Variants in STAT5B observed in about 807,000 individuals in gnomAD.
STAT5B encodes signal transducer and activator of transcription 5B.
Under a neutral mutation model 107.8 loss-of-function variants are expected in STAT5B, and 21 were observed. That is an observed-to-expected ratio of 0.19 (90% CI 0.14 to 0.28). The LOEUF (loss-of-function observed/expected upper bound fraction) is 0.28, where lower values mean the gene tolerates loss of function less well. Among genes scored for constraint, STAT5B ranks in the 10% least tolerant of loss-of-function variants. The pLI, the probability that STAT5B is intolerant of heterozygous loss-of-function variation, is 1.00. For missense variants in STAT5B, 565 were observed against 1,008.2 expected (o/e 0.56, Z 5.95); for synonymous variants, 325 against 401.7 (o/e 0.81, Z 2.28).
At chr17:42,249,431 A>G (rs1411416181) in intron 1 of STAT5B, among the ~76,000 whole-genome samples, 1 of 152,088 alleles carries the variant, frequency 6.6e-6, no homozygotes, top group Non-Finnish European at 1.5e-5. Context: ...TATTTTAGAG[A>G]TAATAAATGC....
At chr17:42,265,374 C>CTTTTTTTT (rs1275073687) in intron 1 of STAT5B, among the ~76,000 whole-genome samples, 11 of 99,228 alleles carry the variant, frequency 1.1e-4, no homozygotes, top group African/African-American at 5.5e-4. Context: ...GGTATGTACT[C>CTTTTTTTT]TTCTTTTTTT....
chr17:42,217,875 T>G (rs1003252200), intron 9 of STAT5B: 2 of 478,164 alleles, frequency 4.2e-6, no homozygotes, highest in Admixed American at 6.8e-5. Context: ...CGGCTAATTT[T>G]TTGTATTTTT....
At chr17:42,229,820 G>A (rs909075554) in intron 2 of STAT5B, among the ~76,000 whole-genome samples, 21 of 151,194 alleles carry the variant, frequency 1.4e-4, no homozygotes, top group South Asian at 2.1e-4. Context: ...GCAGTGAGCC[G>A]AGATCACGCC....
Position 42,232,280 on chromosome 17 carries a change from G to A in STAT5B, c.-10-143C>T, listed in dbSNP as rs529946222. 5.0e-4 allele frequency: 445 copies of A among 889,626 alleles called. 2 individuals are homozygous for A. The African/African-American group carries it at 6.5e-3, about 13-fold the overall frequency. The allele number at this position is 889,626 out of a possible 1,614,324, so 55.1% of individuals were successfully genotyped here. ...ATTTTTATTTTTTTGAGACAGTCTC[G>A]CTCTGCCACCCAAGCTGGAGTGCAG... On this transcript the variant is annotated intron_variant, in intron 1 of 18. Transcript: ENST00000293328.
At chr17:42,280,332 C>CCT (rs1324468754), upstream of STAT5B, among the ~76,000 whole-genome samples, 2 of 151,934 alleles carry the variant, frequency 1.3e-5, no homozygotes, top group African/African-American at 2.4e-5. Context: ...AGCCTCCTCC[C>CCT]CTCTCTCTCT....
chr17:42,260,968 G>A (rs2080590961), intron 1 of STAT5B, among the ~76,000 whole-genome samples: 1 of 148,768 alleles, frequency 6.7e-6, no homozygotes, highest in Admixed American at 6.7e-5. Flanking sequence ...CGAGGCTGAA[G>A]TGCAGTGGTG....
At chr17:42,225,462 G>A (rs746144421) in intron 3 of STAT5B, among the ~76,000 whole-genome samples, 116 of 152,140 alleles carry the variant, frequency 7.6e-4, no homozygotes, top group Non-Finnish European at 1.3e-3. Context: ...TACCACCAAT[G>A]AGGGGACGAG....
intron 11 of STAT5B, 59 bp from the exon 12 acceptor site, chr17:42,216,165 C>CA: frequency 8.9e-7 from 1 of 1,129,814 alleles, no homozygotes; most frequent in Non-Finnish European, 1.2e-6. Flanking sequence ...CTCCTTCTCT[C>CA]TTTTTTTTTT....
At chr17:42,257,571 G>A (rs1216409038) in intron 1 of STAT5B, among the ~76,000 whole-genome samples, 1 of 152,192 alleles carries the variant, frequency 6.6e-6, no homozygotes, top group Non-Finnish European at 1.5e-5. Context: ...CTTTGGTCCA[G>A]GACATACAGT....
chr17:42,203,582 G>A (rs1249230531), intron 16 of STAT5B, among the ~76,000 whole-genome samples: 1 of 152,110 alleles, frequency 6.6e-6, no homozygotes. Context: ...GCCAGGAAAA[G>A]AAATGATTTA....
chr17:42,229,979 G>C (rs555505936), intron 2 of STAT5B, among the ~76,000 whole-genome samples: 26 of 152,152 alleles, frequency 1.7e-4, no homozygotes, highest in Admixed American at 7.2e-4. Context: ...AATTCATTCA[G>C]TGAGAACACC....
chr17:42,266,794 T>C (rs1477848292), intron 1 of STAT5B, among the ~76,000 whole-genome samples: 1 of 152,176 alleles, frequency 6.6e-6, no homozygotes, highest in Non-Finnish European at 1.5e-5. Context: ...ATTGTAGCCA[T>C]GCCACTCAGG....
chr17:42,238,425 T>TACAGGCTGTGCTGGGCCCTTTTAAA (rs1339298986), intron 1 of STAT5B, among the ~76,000 whole-genome samples: 8 of 149,168 alleles, frequency 5.4e-5, no homozygotes, highest in Admixed American at 2.0e-4. Flanking sequence ...GTGCTGGGAT[T>TACAGGCTGTGCTGGGCCCTTTTAAA]AGAGGCACAA....
chr17:42,218,306 A>C lies in STAT5B; in HGVS notation c.1014T>G (p.Pro338=). ...VTSTFIIEKQ[P]PQVLKTQTKF... ...TGGTCTGGGTCTTCAGGACCTGAGG[A>C]GGCTGCTTCTCAATGATGAACGTGC... The change falls in exon 9 of 19, where the codon CCT becomes CCG. Residue 338 remains proline (P), a synonymous_variant. Transcript: ENST00000293328. 1 of 1,613,508 alleles carries C rather than the reference A, an allele frequency of 6.2e-7. No homozygotes were observed. Among genetic ancestry groups the C allele is most frequent in the Non-Finnish European group, 8.5e-7 (1 of 1,179,858 alleles).
At position 42,247,258 on chromosome 17, in the gene STAT5B, T is replaced by C. The variant is rs531970654; in HGVS notation, c.-10-15121A>G. Among the ~76,000 whole-genome samples, 6 of 152,276 alleles carry C rather than the reference T, an allele frequency of 3.9e-5. No individual in the cohort carries two copies. In the East Asian group the frequency reaches 9.6e-4, roughly 24 times the overall value. ...GCAAATCTAGGGAAGAGACCAATAA[T>C]ACCTTAGAAAAGCACACCTATCCAC... On this transcript the variant is annotated intron_variant, in intron 1 of 18. Transcript: ENST00000293328.
rs1417169040 is a variant in STAT5B at position 42,219,322 on chromosome 17, G to A, written c.823C>T (p.Leu275=). 4.8e-6 allele frequency: 7 copies of A among 1,473,600 alleles called. 1 individual carries two copies. The highest frequency in any genetic ancestry group is 2.5e-4 in the Middle Eastern group (1 of 3,998). 91.3% of individuals were successfully genotyped at this position (1,473,600 alleles called of 1,614,324 possible). Residue 275 remains leucine, a synonymous_variant, in exon 7 of 19, where the codon CTA becomes TTA. Coordinates refer to ENST00000293328, the MANE Select transcript of STAT5B (RefSeq NM_012448.4). ...GCCCCACACCATTACCAGGACTGTAGCACGTCCAGGCTGCCCTCGGGGGGC... is the reference window on the plus strand; with the variant it reads ...GCCCCACACCATTACCAGGACTGTAACACGTCCAGGCTGCCCTCGGGGGGC... ...GGPPEGSLDV[L]QSWCEKLAEI...
In STAT5B at chr17:42,201,810, G is replaced by T. The variant is rs146467656; in HGVS notation, c.2292C>A (p.Asp764Glu). Residue 764 changes from aspartate to glutamate, a missense_variant, in exon 19 of 19, where the codon GAC becomes GAA. Transcript: ENST00000293328. ...DGDFDLEDTMDVARRVEELLG... is the reference protein window; with the variant it reads ...DGDFDLEDTMEVARRVEELLG... ...GGAGCTCCTCCACACGCCGCGCTACGTCCATTGTGTCCTCCAGATCGAAGT... is the reference window on the plus strand; with the variant it reads ...GGAGCTCCTCCACACGCCGCGCTACTTCCATTGTGTCCTCCAGATCGAAGT... The T allele has an allele frequency of 6.2e-7, 1 of 1,614,080 alleles. No individual in the cohort carries two copies. Among genetic ancestry groups the T allele is most frequent in the Non-Finnish European group, 8.5e-7 (1 of 1,180,004 alleles).
At chr17:42,215,948 T>C in intron 12 of STAT5B, 66 bp downstream of exon 12, 1 of 1,531,320 alleles carries the variant, frequency 6.5e-7, no homozygotes, top group Non-Finnish European at 9.0e-7. Flanking sequence ...AAAAGGATAA[T>C]ACATAAATGA....
At chr17:42,224,523 G>A (rs1221885558) in intron 4 of STAT5B, among the ~76,000 whole-genome samples, 1 of 151,858 alleles carries the variant, frequency 6.6e-6, no homozygotes, top group East Asian at 1.9e-4. Context: ...TGTATTTTTG[G>A]TAGAGACGGG....
Sources: gnomAD v4.1 joint callset for allele counts (sites outside exome capture counted in the v4.1 genomes callset) on GRCh38, gnomAD v4.1.1 for gene constraint, MANE v1.5 for transcripts, NCBI Gene and HGNC (gene_info 2026-07-23, HGNC 2026-07-21) for gene names.